The following DMD variants were observed in gnomAD, a reference collection of about 807,000 sequenced individuals.
DMD encodes the protein dystrophin.
Under a neutral mutation model 330.1 loss-of-function variants are expected in DMD, and 63 were observed. The observed-to-expected ratio is 0.19, with a 90% CI of 0.16 to 0.24. DMD has a LOEUF of 0.24. Among genes scored for constraint, DMD ranks in the 10% least tolerant of loss-of-function variants. DMD has a pLI of 1.00. For missense variants in DMD, 3,344 were observed against 2,684.1 expected (o/e 1.25, Z -5.43); for synonymous variants, 1,223 against 959.8 (o/e 1.27, Z -5.07).
At chrX:32,521,699 T>G (rs1466595226) in intron 17 of DMD, among the ~76,000 whole-genome samples, 1 of 112,527 alleles carries the variant, frequency 8.9e-6, no homozygotes, top group African/African-American at 3.2e-5. Context: ...AAGTTTGATC[T>G]TCTCCCTCAA....
At chrX:31,130,133 T>G (rs1364421647) in intron 77 of DMD, among the ~76,000 whole-genome samples, 2 of 111,803 alleles carry the variant, frequency 1.8e-5, no homozygotes, top group Non-Finnish European at 3.8e-5. Context: ...GGTACCACAT[T>G]TTAGAGAGCC....
At chrX:32,644,055 CCATCAAACCA>C (rs1284835948) in intron 11 of DMD, 67 bp downstream of exon 11, 6 of 874,078 alleles carry the variant, frequency 6.9e-6, no homozygotes, top group African/African-American at 2.0e-5. Context: ...CGTAACTTAA[CCATCAAACCA>C]CATCAAAATA....
At chrX:32,403,358 A>T (rs2098098063) in intron 30 of DMD, among the ~76,000 whole-genome samples, 1 of 111,636 alleles carries the variant, frequency 9.0e-6, no homozygotes, top group Non-Finnish European at 1.9e-5. Flanking sequence ...ACTGGTGCAA[A>T]AGTAATTGCA....
intron 7 of DMD, among the ~76,000 whole-genome samples, chrX:32,739,990 T>G (rs2069023262): frequency 9.1e-6 from 1 of 110,227 alleles, no homozygotes. Flanking sequence ...GTTCCATTCT[T>G]TTATTCCAGG....
In DMD at chrX:32,185,927, A is replaced by G. The variant is rs746537507; in HGVS notation, c.6438+30989T>C. The stretch of plus-strand genomic sequence containing the variant: ...ATCCAGAAGGACAAAAGGGTTGCAC[A>G]GTTCCCCTTTTTCTGCCTCTCGGAG... On this transcript the variant is annotated intron_variant, in intron 44 of 78. Coordinates refer to ENST00000357033, the MANE Select transcript of DMD (RefSeq NM_004006.3). Among the ~76,000 whole-genome samples, 27 of 110,720 alleles carry G rather than the reference A, an allele frequency of 2.4e-4. No individual in the cohort carries two copies. Among genetic ancestry groups the G allele is most frequent in the Admixed American group, 3.9e-4 (4 of 10,344 alleles).
intron 43 of DMD, among the ~76,000 whole-genome samples, chrX:32,279,963 A>C (rs369576702): frequency 5.7e-5 from 3 of 52,403 alleles, no homozygotes; most frequent in Non-Finnish European, 1.2e-4. Flanking sequence ...TATATGTGTA[A>C]CCCATATATA....
chrX:31,358,558 A>G (rs1313464990), intron 60 of DMD, among the ~76,000 whole-genome samples: 1 of 112,384 alleles, frequency 8.9e-6, no homozygotes, highest in Non-Finnish European at 1.9e-5. Context: ...AAGCTTCCTG[A>G]CTTCATATGT....
At chrX:32,155,726 A>ATAAGGTGAGCAAAATTGCTTATT (rs2096827058) in intron 44 of DMD, among the ~76,000 whole-genome samples, 1 of 111,813 alleles carries the variant, frequency 8.9e-6, no homozygotes, top group Non-Finnish European at 1.9e-5. Context: ...TGATACTTTA[A>ATAAGGTGAGCAAAATTGCTTATT]GGAAGATCAT....
At chrX:33,021,717 T>C (rs1444415711) in intron 1 of DMD, among the ~76,000 whole-genome samples, 6 of 111,748 alleles carry the variant, frequency 5.4e-5, no homozygotes, top group African/African-American at 1.9e-4. Flanking sequence ...TCATCTTAGG[T>C]GAGAAATTTT....
At chrX:31,717,112 T>C (rs915850210) in intron 52 of DMD, among the ~76,000 whole-genome samples, 1 of 111,769 alleles carries the variant, frequency 8.9e-6, no homozygotes, top group Non-Finnish European at 1.9e-5. Flanking sequence ...AATCCACTTA[T>C]ATATGTATAA....
At chrX:33,054,489 C>T (rs1349120082) in intron 1 of DMD, among the ~76,000 whole-genome samples, 1 of 112,089 alleles carries the variant, frequency 8.9e-6, no homozygotes, top group Non-Finnish European at 1.9e-5. Flanking sequence ...AAACATAAGA[C>T]AAATTTATTC....
At chrX:31,428,801 C>A (rs1217504228) in intron 60 of DMD, among the ~76,000 whole-genome samples, 1 of 112,393 alleles carries the variant, frequency 8.9e-6, no homozygotes, top group Non-Finnish European at 1.9e-5. Context: ...TCATGGAGCT[C>A]ACCTTCTCAT....
intron 44 of DMD, among the ~76,000 whole-genome samples, chrX:32,153,762 G>C: frequency 9.0e-6 from 1 of 111,401 alleles, no homozygotes; most frequent in East Asian, 2.8e-4. Context: ...TTTACGAATG[G>C]GCCACTGGAG....
rs1006245733 is a variant in DMD at position 31,178,405 on chromosome X, G to C, written c.10223+264C>G. On this transcript the variant is annotated intron_variant, in intron 70 of 78. Coordinates refer to ENST00000357033, the MANE Select transcript of DMD (RefSeq NM_004006.3). ...CCCATATTTCTTATAAGGCTTGTAA[G>C]GCAATTAGTGGCTGTATTGTGTTGT... 1.3e-4 allele frequency: 119 copies of C among 951,123 alleles called. No homozygotes were observed. The South Asian group carries it at 1.7e-3, about 14-fold the overall frequency. The allele number at this position is 951,123 out of a possible 1,213,427, so 78.4% of individuals were successfully genotyped here. A position where few individuals can be genotyped will look rare whatever the true frequency, so the allele number is the denominator to read the frequency against.
At chrX:32,888,819 A>G in intron 2 of DMD, among the ~76,000 whole-genome samples, 1 of 112,166 alleles carries the variant, frequency 8.9e-6, no homozygotes, top group East Asian at 2.8e-4. Flanking sequence ...ATGGAACACT[A>G]TTCAACTTTA....
intron 73 of DMD, among the ~76,000 whole-genome samples, chrX:31,171,454 A>T (rs985798255): frequency 2.8e-5 from 3 of 108,011 alleles, no homozygotes; most frequent in African/African-American, 9.9e-5. Flanking sequence ...CTTTGTCTAT[A>T]TTCTCCAAGA....
intron 12 of DMD, among the ~76,000 whole-genome samples, chrX:32,601,771 A>G (rs903917809): frequency 3.6e-5 from 4 of 110,280 alleles, no homozygotes; most frequent in African/African-American, 9.8e-5. Context: ...CTAATTTGTA[A>G]AACTAAGATA....
chrX:32,201,841 C>T (rs749167634), intron 44 of DMD, among the ~76,000 whole-genome samples: 3 of 110,898 alleles, frequency 2.7e-5, no homozygotes, highest in East Asian at 2.8e-4. Flanking sequence ...TGCAATGATA[C>T]AATTAGACTT....
At chrX:32,937,962 TACTCTGGCTTTC>T (rs1490226899) in intron 2 of DMD, among the ~76,000 whole-genome samples, 1 of 111,485 alleles carries the variant, frequency 9.0e-6, no homozygotes, top group Non-Finnish European at 1.9e-5. Context: ...TCCTTCATTT[TACTCTGGCTTTC>T]AACGTTGGAT....
Sources: allele counts gnomAD v4.1 joint callset (sites outside exome capture counted in the v4.1 genomes callset), GRCh38; gene constraint gnomAD v4.1.1; transcripts MANE v1.5; gene names NCBI Gene and HGNC (gene_info 2026-07-23, HGNC 2026-07-21).